The following SKOR1 variants were observed in gnomAD, a reference collection of about 807,000 sequenced individuals.
The protein encoded by SKOR1 is SKI family transcriptional corepressor 1.
In SKOR1, 38 loss-of-function variants were observed where a neutral mutation model predicts 72.4. That is an observed-to-expected ratio of 0.52 (90% CI 0.40 to 0.69). SKOR1 has a LOEUF of 0.69. Among genes scored for constraint, SKOR1 ranks in the 30% least tolerant of loss-of-function variants. The probability of loss-of-function intolerance (pLI) is 0.00; values close to 1 mark genes in which losing one functional copy is unlikely to be tolerated. For missense variants in SKOR1, 1,320 were observed against 1,343.2 expected (o/e 0.98, Z 0.27); for synonymous variants, 642 against 599.4 (o/e 1.07, Z -1.04).
In SKOR1 at chr15:67,826,505, C is replaced by A; in HGVS notation, c.677C>A (p.Ser226Ter). Residue 226 changes from serine to a stop codon, truncating the protein, a stop_gained, in exon 2 of 9, where the codon TCG (serine) becomes TAG (stop). Coordinates refer to ENST00000380035, the MANE Select transcript of SKOR1 (RefSeq NM_001365915.1). LOFTEE classifies it high-confidence loss of function. The stretch of plus-strand genomic sequence containing the variant: ...TCGCCCAACAAGTTCATCTTCCACT[C>A]GCACCGAACACCCGACGCCAAGTAC... The part of the protein sequence containing the change: ...YFSPNKFIFH[S>*]HRTPDAKYTQ... The A allele has an allele frequency of 6.2e-7, 1 of 1,613,942 alleles. No individual in the cohort carries two copies. Among genetic ancestry groups the A allele is most frequent in the Non-Finnish European group, 8.5e-7 (1 of 1,179,842 alleles).
At position 67,832,152 on chromosome 15, in the gene SKOR1, G is replaced by A. The variant is rs990168116; in HGVS notation, c.2588-122G>A. On this transcript the variant is annotated intron_variant, in intron 5 of 8. Transcript: ENST00000380035. The surrounding 1 kb of genome is among the most constrained non-coding windows in gnomAD (Gnocchi z 4.5). ...AGTTGGTAAAGCCAGAGAGCGGAGGGCCTCCACCTACTGGTCATCCTTCTC... is the reference window on the plus strand; with the variant it reads ...AGTTGGTAAAGCCAGAGAGCGGAGGACCTCCACCTACTGGTCATCCTTCTC... The A allele has an allele frequency of 3.6e-6, 3 of 824,186 alleles. No individual in the cohort carries two copies. Among genetic ancestry groups the A allele is most frequent in the African/African-American group, 3.4e-5 (2 of 59,214 alleles). The allele number at this position is 824,186 out of a possible 1,614,324, so 51.1% of individuals were successfully genotyped here.
At chr15:67,830,918 C>G (rs373452301) in intron 5 of SKOR1, 29 bp downstream of exon 5, 1 of 1,607,588 alleles carries the variant, frequency 6.2e-7, no homozygotes, top group Non-Finnish European at 8.5e-7. Flanking sequence ...AAAAGGTGTA[C>G]GCTGTGCTTG....
rs761009298 is a variant in SKOR1 at position 67,827,349 on chromosome 15, G to C, written c.1521G>C (p.Gln507His). 6.3e-7 allele frequency: 1 copy of C among 1,583,884 alleles called. No individual in the cohort carries two copies. The highest frequency in any genetic ancestry group is 8.5e-7 in the Non-Finnish European group (1 of 1,173,830). ...SLPVPSYPAAQSQAKAVAAAV... is the reference protein window; with the variant it reads ...SLPVPSYPAAHSQAKAVAAAV... ...CGGTACCGTCCTACCCCGCTGCTCAGAGCCAAGCCAAGGCCGTGGCGGCAG... is the reference window on the plus strand; with the variant it reads ...CGGTACCGTCCTACCCCGCTGCTCACAGCCAAGCCAAGGCCGTGGCGGCAG... The change falls in exon 2 of 9, where the codon CAG becomes CAC. Residue 507 changes from glutamine to histidine, a missense_variant. By Grantham distance (24) the Gln-to-His change is conservative (BLOSUM62 0). This residue lies in a region of SKOR1 where 1,099 missense variants were observed against 1,025.5 expected (regional missense o/e 1.07). Transcript: ENST00000380035.
In SKOR1 at chr15:67,826,878, G is replaced by A. The variant is rs1209263874; in HGVS notation, c.1050G>A (p.Leu350=). ...CCCACCCGCAGCGCGGACTTGGCCT[G>A]GCGACTGGAGCTAGTGGCCCGGCGG... ...PPPHPQRGLG[L]ATGASGPAGP... is the part of the protein sequence containing the mutation. Residue 350 remains leucine (L), a synonymous_variant, in exon 2 of 9, where the codon CTG becomes CTA. Transcript: ENST00000380035. 2 of 1,542,366 alleles carry A rather than the reference G, an allele frequency of 1.3e-6. No homozygotes were observed. Among genetic ancestry groups the A allele is most frequent in the Admixed American group, 3.8e-5 (2 of 52,098 alleles).
chr15:67,825,606 G>A lies in SKOR1; in HGVS notation c.4G>A (p.Ala2Thr). 2.8e-6 allele frequency: 2 copies of A among 721,916 alleles called. No homozygotes were observed. The highest frequency in any genetic ancestry group is 5.2e-6 in the Non-Finnish European group (2 of 387,254). 44.7% of individuals were successfully genotyped at this position (721,916 alleles called of 1,614,324 possible). Residue 2 changes from alanine to threonine, a missense_variant, in exon 1 of 9, where the codon GCT becomes ACT. This residue lies in a region of SKOR1 where 120 missense variants were observed against 104.9 expected (regional missense o/e 1.14). Transcript: ENST00000380035. This position sits in a 1 kb window ranked among gnomAD's most constrained non-coding sequence, Gnocchi z 5.6. Reference sequence around the variant, plus strand: ...CTGAAAAAGCCAGGATTTGGCAATGGCTTTGCTGTGTGGCCTTGGGCAAGT... The same window carrying A: ...CTGAAAAAGCCAGGATTTGGCAATGACTTTGCTGTGTGGCCTTGGGCAAGT... Reference protein sequence around the residue: MALLCGLGQVTL... With the variant: MTLLCGLGQVTL...
In SKOR1 at chr15:67,826,347, C is replaced by T; in HGVS notation, c.519C>T (p.Pro173=). The T allele has an allele frequency of 6.2e-7, 1 of 1,613,656 alleles. No homozygotes were observed. Among genetic ancestry groups the T allele is most frequent in the Non-Finnish European group, 8.5e-7 (1 of 1,179,954 alleles). Residue 173 remains proline, a synonymous_variant, in exon 2 of 9, where the codon CCC becomes CCT. Coordinates refer to ENST00000380035, the MANE Select transcript of SKOR1 (RefSeq NM_001365915.1). ...CGTTCCTGGGCGAGCACAAACCACC[C>T]AAGCTGCCCGAGAACTTCGCCTTCG... ...CKSFLGEHKP[P]KLPENFAFDV...
At chr15:67,830,791 C>A (rs369751001) in intron 4 of SKOR1, 27 bp from the exon 5 acceptor site, 2 of 1,612,364 alleles carry the variant, frequency 1.2e-6, no homozygotes, top group Non-Finnish European at 1.7e-6. Flanking sequence ...TAGGACAGAA[C>A]CCCTCTTACC....
rs1884989239 is a variant in SKOR1 at position 67,832,207 on chromosome 15, C to T, written c.2588-67C>T. The T allele has an allele frequency of 2.0e-6, 3 of 1,496,610 alleles. No individual in the cohort carries two copies. In the South Asian group the frequency reaches 3.4e-5, roughly 17 times the overall value. The allele number at this position is 1,496,610 out of a possible 1,614,324, so 92.7% of individuals were successfully genotyped here. On this transcript the variant is annotated intron_variant, in intron 5 of 8. Coordinates refer to ENST00000380035, the MANE Select transcript of SKOR1 (RefSeq NM_001365915.1). This position sits in a 1 kb window ranked among gnomAD's most constrained non-coding sequence, Gnocchi z 4.5. ...CTCCTTTCAGGGTTGTTGGCCAAGGCAGAACCTGAGCTCCAAATAACCCTG... is the reference window on the plus strand; with the variant it reads ...CTCCTTTCAGGGTTGTTGGCCAAGGTAGAACCTGAGCTCCAAATAACCCTG...
At position 67,833,253 on chromosome 15, in the gene SKOR1, G is replaced by A; in HGVS notation, c.2799G>A (p.Leu933=). The A allele has an allele frequency of 6.2e-7, 1 of 1,614,124 alleles. No individual in the cohort carries two copies. The highest frequency in any genetic ancestry group is 8.5e-7 in the Non-Finnish European group (1 of 1,180,020). Residue 933 remains leucine, a synonymous_variant, in exon 8 of 9, where the codon TTG becomes TTA. Transcript: ENST00000380035. The surrounding 1 kb of genome is among the most constrained non-coding windows in gnomAD (Gnocchi z 6.0). ...RKARYAIQQK[L]KEAHDALHHF... ...CGCGCTATGCCATCCAGCAGAAATT[G>A]AAAGGTGCGGAAGCCGGGAAACAAA...
At position 67,833,634 on chromosome 15, in the gene SKOR1, T is replaced by G. The variant is rs371031380; in HGVS notation, c.2804-108T>G. The G allele has an allele frequency of 2.2e-4, 259 of 1,180,068 alleles. 1 individual carries two copies. The East Asian group carries it at 4.5e-3, about 20-fold the overall frequency. 73.1% of individuals were successfully genotyped at this position (1,180,068 alleles called of 1,614,324 possible). On this transcript the variant is annotated intron_variant, in intron 8 of 8. Coordinates refer to ENST00000380035, the MANE Select transcript of SKOR1 (RefSeq NM_001365915.1). This position sits in a 1 kb window ranked among gnomAD's most constrained non-coding sequence, Gnocchi z 6.0. ...CTCCTCCTGATCCGCTCGGTTGAGATTCCCTGACCCCAAAGGGTTGGTAAG... is the reference window on the plus strand; with the variant it reads ...CTCCTCCTGATCCGCTCGGTTGAGAGTCCCTGACCCCAAAGGGTTGGTAAG...
In SKOR1 at chr15:67,833,240, T is replaced by G. The variant is rs1028226044; in HGVS notation, c.2786T>G (p.Ile929Ser). The change falls in exon 8 of 9, where the codon ATC becomes AGC. Residue 929 changes from isoleucine to serine, a missense_variant. Ile to Ser is a moderately radical substitution (Grantham distance 142). Transcript: ENST00000380035. This position sits in a 1 kb window ranked among gnomAD's most constrained non-coding sequence, Gnocchi z 6.0. ...CAGGAGCGGAAGGCGCGCTATGCCA[T>G]CCAGCAGAAATTGAAAGGTGCGGAA... ...LDQERKARYA[I>S]QQKLKEAHDA... 1 of 1,614,042 alleles carries G rather than the reference T, an allele frequency of 6.2e-7. No individual in the cohort carries two copies. The highest frequency in any genetic ancestry group is 8.5e-7 in the Non-Finnish European group (1 of 1,180,004).
intron 3 of SKOR1, among the ~76,000 whole-genome samples, chr15:67,829,811 C>G (rs2141368334): frequency 6.6e-6 from 1 of 152,368 alleles, no homozygotes; most frequent in East Asian, 1.9e-4. Flanking sequence ...CGATGTCCCC[C>G]CACCCACCCC....
At position 67,833,319 on chromosome 15, in the gene SKOR1, A is replaced by C. The variant is rs958733637; in HGVS notation, c.2803+62A>C. 3 of 1,532,964 alleles carry C rather than the reference A, an allele frequency of 2.0e-6. No individual in the cohort carries two copies. Among genetic ancestry groups the C allele is most frequent in the Admixed American group, 1.7e-5 (1 of 58,906 alleles). 95.0% of individuals were successfully genotyped at this position (1,532,964 alleles called of 1,614,324 possible). On this transcript the variant is annotated intron_variant, in intron 8 of 8. Coordinates refer to ENST00000380035, the MANE Select transcript of SKOR1 (RefSeq NM_001365915.1). The surrounding 1 kb of genome is among the most constrained non-coding windows in gnomAD (Gnocchi z 6.0). ...GGGTGCCGGCCGTGCTGTCGACTGA[A>C]TGAATGAATAGTGGGACTAGTGAGG...
Position 67,827,012 on chromosome 15 carries a change from A to G in SKOR1, c.1184A>G (p.His395Arg), listed in dbSNP as rs780456976. ...AAGCTGCCCCCACCACTTTTCCCCCATCCTTACGGCTTCCCTACGGCCTTC... is the reference window on the plus strand; with the variant it reads ...AAGCTGCCCCCACCACTTTTCCCCCGTCCTTACGGCTTCCCTACGGCCTTC... Reference protein sequence around the residue: ...LQKLPPPLFPHPYGFPTAFGL... With the variant: ...LQKLPPPLFPRPYGFPTAFGL... Residue 395 changes from histidine (H) to arginine (R), a missense_variant, in exon 2 of 9, where the codon CAT (histidine) becomes CGT (arginine). His to Arg is a conservative substitution (Grantham distance 29). This residue lies in a region of SKOR1 where 1,099 missense variants were observed against 1,025.5 expected (regional missense o/e 1.07). Transcript: ENST00000380035. 6.3e-7 allele frequency: 1 copy of G among 1,593,278 alleles called. No homozygotes were observed. The highest frequency in any genetic ancestry group is 1.1e-5 in the South Asian group (1 of 90,634).
chr15:67,832,243 C>T lies in SKOR1; in HGVS notation c.2588-31C>T. 5 of 1,607,008 alleles carry T rather than the reference C, an allele frequency of 3.1e-6. No homozygotes were observed. Among genetic ancestry groups the T allele is most frequent in the Non-Finnish European group, 4.3e-6 (5 of 1,173,782 alleles). ...CTCCAAATAACCCTGCTTTACCTCC[C>T]ACTTTACCTCCCACTTTTCCCCTTT... On this transcript the variant is annotated intron_variant, in intron 5 of 8. Transcript: ENST00000380035. The surrounding 1 kb of genome is among the most constrained non-coding windows in gnomAD (Gnocchi z 4.5).
At position 67,830,286 on chromosome 15, in the gene SKOR1, A is replaced by T; in HGVS notation, c.2503A>T (p.Asn835Tyr). 6.2e-7 allele frequency: 1 copy of T among 1,614,162 alleles called. No homozygotes were observed. Residue 835 changes from asparagine to tyrosine, a missense_variant, in exon 4 of 9, where the codon AAT (asparagine) becomes TAT (tyrosine). Transcript: ENST00000380035. The part of the protein sequence containing the change: ...QRSISQPSPA[N>Y]TDRGEDGLTL... ...GAGTATCTCCCAGCCAAGTCCTGCA[A>T]ATACAGACAGAGGTGAGCCAGCCCT...
intron 3 of SKOR1, 123 bp from the exon 4 acceptor site, chr15:67,830,068 C>T: frequency 1.0e-6 from 1 of 966,682 alleles, no homozygotes; most frequent in South Asian, 1.5e-5. Context: ...GGCGCACAGC[C>T]GGGAACCAGA....
rs1476265010 is a variant in SKOR1 at position 67,831,903 on chromosome 15, C to CCGGGGGGG, written c.2588-371_2588-370insCGGGGGGG. 3.8e-4 allele frequency among the ~76,000 whole-genome samples: 11 copies of CCGGGGGGG among 28,750 alleles called. 1 individual carries two copies. Among genetic ancestry groups the CCGGGGGGG allele is most frequent in the African/African-American group, 2.4e-3 (9 of 3,678 alleles). The allele number at this position is 28,750 out of a possible 152,430, so 18.9% of individuals were successfully genotyped here. A position where few individuals can be genotyped will look rare whatever the true frequency, so the allele number is the denominator to read the frequency against. On this transcript the variant is annotated intron_variant, in intron 5 of 8. Coordinates refer to ENST00000380035, the MANE Select transcript of SKOR1 (RefSeq NM_001365915.1). The stretch of plus-strand genomic sequence containing the variant: ...GATTTATATTGAAAGGGCGGCGGTG[C>CCGGGGGGG]GGGGGGGGGAGGTCGGGGCCGGGGC...
Position 67,827,502 on chromosome 15 carries a change from C to A in SKOR1, c.1674C>A (p.Ser558=). ...GAEERCPSAL[S]RGPLDEDGTD... ...AGGAGCGCTGCCCGAGCGCTCTGTC[C>A]CGCGGGCCCCTGGACGAAGACGGCA... Residue 558 remains serine (S), a synonymous_variant, in exon 2 of 9, where the codon TCC becomes TCA. Coordinates refer to ENST00000380035, the MANE Select transcript of SKOR1 (RefSeq NM_001365915.1). The A allele has an allele frequency of 6.6e-7, 1 of 1,523,520 alleles. No homozygotes were observed. The highest frequency in any genetic ancestry group is 8.8e-7 in the Non-Finnish European group (1 of 1,142,584). 94.4% of individuals were successfully genotyped at this position (1,523,520 alleles called of 1,614,324 possible). A position where few individuals can be genotyped will look rare whatever the true frequency, so the allele number is the denominator to read the frequency against.
Sources: gnomAD v4.1 joint callset for allele counts (sites outside exome capture counted in the v4.1 genomes callset) on GRCh38, gnomAD v4.1.1 for gene constraint, gnomAD v4.1.1 regional missense constraint, Gnocchi (gnomAD v3.1) non-coding constraint, MANE v1.5 for transcripts, NCBI Gene and HGNC (gene_info 2026-07-23, HGNC 2026-07-21) for gene names.